The following HMCN1 variants were observed in gnomAD, a reference collection of about 807,000 sequenced individuals.
HMCN1 encodes the protein hemicentin-1.
Under a neutral mutation model 625.9 loss-of-function variants are expected in HMCN1, and 321 were observed. The observed-to-expected ratio is 0.51, with a 90% CI of 0.47 to 0.56. The LOEUF is 0.56. HMCN1 is among the 20% of genes least tolerant of loss of function. The pLI, the probability that HMCN1 is intolerant of heterozygous loss-of-function variation, is 0.00. For synonymous variants in HMCN1, 2,425 were observed against 2,417.6 expected (o/e 1.00, Z -0.09); for missense variants, 6,588 against 6,887.3 (o/e 0.96, Z 1.54).
Position 186,048,793 on chromosome 1 carries a change from A to G in HMCN1, c.6531A>G (p.Thr2177=). The G allele has an allele frequency of 6.2e-7, 1 of 1,612,130 alleles. No individual in the cohort carries two copies. The highest frequency in any genetic ancestry group is 1.1e-5 in the South Asian group (1 of 91,044). ...QDTGRYTCEA[T]NVAGKTEKNY... ...CTGGTCGTTACACTTGTGAAGCAAC[A>G]AATGTTGCTGGAAAAACTGAAAAAA... The change falls in exon 42 of 107, where the codon ACA becomes ACG. Residue 2177 remains threonine, a synonymous_variant. Coordinates refer to ENST00000271588, the MANE Select transcript of HMCN1 (RefSeq NM_031935.3).
intron 2 of HMCN1, among the ~76,000 whole-genome samples, chr1:185,862,186 AAGAT>A (rs142985868): frequency 0.039 from 5,865 of 152,220 alleles, 406 homozygotes; most frequent in African/African-American, 0.13. Context: ...AGGAGATAGA[AAGAT>A]AGAAAGATTA....
intron 4 of HMCN1, among the ~76,000 whole-genome samples, chr1:185,893,930 T>G (rs1158093790): frequency 6.6e-6 from 1 of 152,092 alleles, no homozygotes; most frequent in Non-Finnish European, 1.5e-5. Flanking sequence ...TCATACTGTC[T>G]TCTGGTCACA....
chr1:186,073,605 A>C (rs1658607117), intron 52 of HMCN1, among the ~76,000 whole-genome samples: 1 of 152,110 alleles, frequency 6.6e-6, no homozygotes, highest in African/African-American at 2.4e-5. Flanking sequence ...AACTGATTTT[A>C]ACCAGTTAGG....
Position 186,015,167 on chromosome 1 carries a change from A to C in HMCN1, c.4639A>C (p.Ser1547Arg), listed in dbSNP as rs745958790. ...TCTGAAATCCTTTGTAGTTCCACCTAGTATTAAAGGAGGAAATGTCACCAC... is the reference window on the plus strand; with the variant it reads ...TCTGAAATCCTTTGTAGTTCCACCTCGTATTAAAGGAGGAAATGTCACCAC... ...DIKLTIYIPP[S>R]IKGGNVTTDI... The change falls in exon 31 of 107, where the codon AGT becomes CGT. Residue 1547 changes from serine (S) to arginine (R), a missense_variant. Around this residue, in one of 3 missense-constraint regions of HMCN1, gnomAD observed 4,628 missense variants for 4,853.1 expected, o/e 0.95. Transcript: ENST00000271588. 6.2e-7 allele frequency: 1 copy of C among 1,613,082 alleles called. No homozygotes were observed.
chr1:186,027,239 CAGG>C (rs1236448455), intron 36 of HMCN1, among the ~76,000 whole-genome samples: 1 of 152,088 alleles, frequency 6.6e-6, no homozygotes, highest in Admixed American at 6.6e-5. Context: ...TTATAAAGGG[CAGG>C]AGCCCTCAGT....
chr1:185,968,946 T>C (rs1650611753), intron 14 of HMCN1, among the ~76,000 whole-genome samples: 1 of 152,220 alleles, frequency 6.6e-6, no homozygotes, highest in Non-Finnish European at 1.5e-5. Flanking sequence ...GAACTAGTTT[T>C]TTCCAATTTA....
At position 186,022,110 on chromosome 1, in the gene HMCN1, T is replaced by C. The variant is rs181513470; in HGVS notation, c.5626-920T>C. On this transcript the variant is annotated intron_variant, in intron 35 of 106. Transcript: ENST00000271588. ...TAATTTTGTGCGAGTGAATTTGATG[T>C]TAAATTTAATGTACTACCTGTCCAG... Among the ~76,000 whole-genome samples, 18 of 152,242 alleles carry C rather than the reference T, an allele frequency of 1.2e-4. No individual in the cohort carries two copies. The East Asian group carries it at 3.3e-3, about 28-fold the overall frequency.
chr1:185,891,652 G>C (rs978341519), intron 4 of HMCN1, among the ~76,000 whole-genome samples: 2 of 148,062 alleles, frequency 1.4e-5, no homozygotes, highest in Admixed American at 1.3e-4. Context: ...ACTCTCTTCT[G>C]GCTTGTAGAG....
At chr1:185,887,831 GATGGCT>G (rs1664769139) in intron 4 of HMCN1, among the ~76,000 whole-genome samples, 1 of 140,250 alleles carries the variant, frequency 7.1e-6, no homozygotes, top group Admixed American at 6.9e-5. Context: ...CCAGTAATGG[GATGGCT>G]GGGTCAAATG....
intron 97 of HMCN1, among the ~76,000 whole-genome samples, chr1:186,159,153 T>C (rs1274525598): frequency 6.6e-6 from 1 of 151,580 alleles, no homozygotes; most frequent in African/African-American, 2.4e-5. Context: ...TCACATCCCT[T>C]GTAAGTTGGA....
chr1:185,911,623 A>G (rs778286305), intron 5 of HMCN1, 51 bp from the exon 6 acceptor site: 11 of 1,243,732 alleles, frequency 8.8e-6, no homozygotes, highest in Non-Finnish European at 1.3e-5. Context: ...TAGCTAATAT[A>G]CATAGCTGAG....
chr1:185,827,352 G>A (rs988091457), intron 1 of HMCN1, among the ~76,000 whole-genome samples: 3 of 151,924 alleles, frequency 2.0e-5, no homozygotes, highest in South Asian at 2.1e-4. Context: ...AAACTTTAAA[G>A]AAATAAGTGT....
At chr1:185,748,598 T>G (rs1654589513) in intron 1 of HMCN1, among the ~76,000 whole-genome samples, 1 of 152,222 alleles carries the variant, frequency 6.6e-6, no homozygotes, top group Non-Finnish European at 1.5e-5. Context: ...TTGATTTATC[T>G]TGACAAAGTA....
At chr1:186,132,473 T>A in intron 86 of HMCN1, 64 bp downstream of exon 86, 1 of 1,270,334 alleles carries the variant, frequency 7.9e-7, no homozygotes, top group Non-Finnish European at 1.1e-6. Flanking sequence ...TAAAGAGTAT[T>A]TATTTTCTTT....
At chr1:185,909,001 T>A (rs1029276844) in intron 4 of HMCN1, among the ~76,000 whole-genome samples, 1 of 152,016 alleles carries the variant, frequency 6.6e-6, no homozygotes, top group Non-Finnish European at 1.5e-5. Flanking sequence ...AGCACTATTA[T>A]GTTTTTAAAT....
intron 6 of HMCN1, among the ~76,000 whole-genome samples, chr1:185,916,217 C>G (rs1323805947): frequency 6.6e-6 from 1 of 152,086 alleles, no homozygotes; most frequent in Non-Finnish European, 1.5e-5. Context: ...GCCTAGCTCA[C>G]AGTAGGTTCT....
chr1:185,942,187 T>A (rs1250048707), intron 11 of HMCN1, among the ~76,000 whole-genome samples: 6 of 127,424 alleles, frequency 4.7e-5, no homozygotes, highest in African/African-American at 1.8e-4. Flanking sequence ...TGAGACTCCA[T>A]CTCAAAAAAA....
chr1:185,765,395 A>T (rs1303547704), intron 1 of HMCN1, among the ~76,000 whole-genome samples: 13 of 152,206 alleles, frequency 8.5e-5, no homozygotes. Flanking sequence ...AATAAGTGTA[A>T]ATACTGAAAT....
intron 99 of HMCN1, 151 bp downstream of exon 99, chr1:186,166,454 A>G: frequency 9.8e-7 from 1 of 1,016,898 alleles, no homozygotes; most frequent in South Asian, 1.4e-5. Flanking sequence ...CTGAGAAAGT[A>G]AGAAAGCAGG....
Sources: allele counts gnomAD v4.1 joint callset (sites outside exome capture counted in the v4.1 genomes callset), GRCh38; gene constraint gnomAD v4.1.1; regional missense constraint gnomAD v4.1.1; transcripts MANE v1.5; gene names NCBI Gene and HGNC (gene_info 2026-07-23, HGNC 2026-07-21).